The following ERMP1 variants were observed in gnomAD, a reference collection of about 807,000 sequenced individuals.
The protein encoded by ERMP1 is Felix-ina.
ERMP1 carries 86 observed loss-of-function variants against 92.0 expected under a neutral mutation model. The observed-to-expected ratio is 0.93, with a 90% CI of 0.79 to 1.12. ERMP1 has a LOEUF of 1.12. Ranked by LOEUF, ERMP1 falls within the 50% of genes most tolerant of loss-of-function variation. The probability of loss-of-function intolerance (pLI) is 0.00; values close to 1 mark genes in which losing one functional copy is unlikely to be tolerated. For synonymous variants in ERMP1, 530 were observed against 412.8 expected, an observed-to-expected ratio of 1.28 and a Z score of -3.44; for missense variants, 1,342 against 1,116.3, an observed-to-expected ratio of 1.20 and a Z score of -2.88.
At chr9:5,809,266 C>T (rs1347438019) in intron 8 of ERMP1, among the ~76,000 whole-genome samples, 1 of 152,128 alleles carries the variant, frequency 6.6e-6, no homozygotes, top group Non-Finnish European at 1.5e-5. Flanking sequence ...GTGATCCGCC[C>T]ACCTCAGCCT....
intron 13 of ERMP1, among the ~76,000 whole-genome samples, chr9:5,795,387 G>A (rs186711938): frequency 1.3e-5 from 2 of 152,280 alleles, no homozygotes; most frequent in East Asian, 1.9e-4. Flanking sequence ...AGAAGTCCCA[G>A]ATAATGTAAC....
chr9:5,857,985 A>T (rs1830401611), intron 6 of ERMP1, among the ~76,000 whole-genome samples: 1 of 152,178 alleles, frequency 6.6e-6, no homozygotes, highest in South Asian at 2.1e-4. Context: ...ACTCTTTTTC[A>T]GGTGCCCAGG....
rs543463480 is a variant in ERMP1, at chr9:5,786,144, A to C, written c.*1000T>G. 2.6e-5 allele frequency: 4 copies of C among 152,356 alleles called. No individual in the cohort carries two copies. In the South Asian group the frequency reaches 8.3e-4, roughly 32 times the overall value. The allele number at this position is 152,356 out of a possible 1,614,324, so 9.4% of individuals were successfully genotyped here. ...AAACTAATCTATTCAACTGGCTGGA[A>C]AACAAAAAGATAGGCCCAGTGCATC... On this transcript the variant is annotated 3_prime_UTR_variant, in exon 15 of 15. Coordinates refer to ENST00000339450, the MANE Select transcript of ERMP1 (RefSeq NM_024896.3).
chr9:5,852,197 T>C (rs1349636346), intron 6 of ERMP1, among the ~76,000 whole-genome samples: 1 of 152,214 alleles, frequency 6.6e-6, no homozygotes, highest in Non-Finnish European at 1.5e-5. Context: ...CATTAAGTTT[T>C]TCTTAAGTAT....
At chr9:5,791,763 C>T (rs1208368184) in intron 13 of ERMP1, among the ~76,000 whole-genome samples, 1 of 152,186 alleles carries the variant, frequency 6.6e-6, no homozygotes, top group Non-Finnish European at 1.5e-5. Flanking sequence ...CTAAATTTAA[C>T]AATTCAACAC....
At chr9:5,792,312 C>G (rs571376832) in intron 13 of ERMP1, among the ~76,000 whole-genome samples, 2 of 152,208 alleles carry the variant, frequency 1.3e-5, no homozygotes, top group South Asian at 4.1e-4. Flanking sequence ...AAACTGGCAG[C>G]ACCATAAAGA....
At chr9:5,832,031 C>G (rs533065841) in intron 1 of ERMP1, among the ~76,000 whole-genome samples, 2 of 151,892 alleles carry the variant, frequency 1.3e-5, no homozygotes, top group South Asian at 4.2e-4. Flanking sequence ...CTTTGACACA[C>G]CTGGGTTACA....
intron 6 of ERMP1, among the ~76,000 whole-genome samples, chr9:5,857,807 G>A (rs1232371526): frequency 2.6e-5 from 4 of 152,240 alleles, no homozygotes; most frequent in African/African-American, 7.2e-5. Flanking sequence ...TCATTCTTTT[G>A]TTCATCAAGT....
chr9:5,810,272 T>C (rs991540899), intron 7 of ERMP1, 41 bp from the exon 8 acceptor site: 3 of 1,461,598 alleles, frequency 2.1e-6, no homozygotes, highest in Non-Finnish European at 1.9e-6. Flanking sequence ...ACCATCTTCA[T>C]CAAATCAGTT....
chr9:5,837,856 A>C (rs1309367149), upstream of ERMP1, among the ~76,000 whole-genome samples: 1 of 152,194 alleles, frequency 6.6e-6, no homozygotes, highest in African/African-American at 2.4e-5. Flanking sequence ...TAATCCCAGC[A>C]CTTTGGGAGG....
chr9:5,833,136 G>T, upstream of ERMP1: 2 of 1,023,288 alleles, frequency 2.0e-6, no homozygotes, highest in Non-Finnish European at 2.7e-6. Flanking sequence ...GACGGAAACT[G>T]CAGAGGGCCA....
In ERMP1 at chr9:5,786,997, G is replaced by T; in HGVS notation, c.*147C>A. 2 of 750,866 alleles carry T rather than the reference G, an allele frequency of 2.7e-6. No homozygotes were observed. Among genetic ancestry groups the T allele is most frequent in the Non-Finnish European group, 4.2e-6 (2 of 481,274 alleles). The allele number at this position is 750,866 out of a possible 1,614,324, so 46.5% of individuals were successfully genotyped here. ...CACAGCTAAACCCTTATAGTGCTTG[G>T]CCCTGAAAAGCGTTAACCCAGAAAG... On this transcript the variant is annotated 3_prime_UTR_variant, in exon 15 of 15. Transcript: ENST00000339450.
intron 6 of ERMP1, among the ~76,000 whole-genome samples, chr9:5,849,168 A>G (rs1464931256): frequency 6.6e-6 from 1 of 152,134 alleles, no homozygotes; most frequent in African/African-American, 2.4e-5. Context: ...GACTATAGGC[A>G]TGTGCCACCA....
At chr9:5,810,315 C>A (rs1829043466) in intron 7 of ERMP1, 84 bp from the exon 8 acceptor site, 2 of 972,556 alleles carry the variant, frequency 2.1e-6, no homozygotes, top group East Asian at 2.5e-5. Flanking sequence ...AATGGGCAAA[C>A]ATTAAAACAA....
chr9:5,809,966 C>A (rs545685437), intron 8 of ERMP1, 45 bp downstream of exon 8: 1 of 1,326,730 alleles, frequency 7.5e-7, no homozygotes, highest in African/African-American at 1.4e-5. Flanking sequence ...ATCTTCAGTC[C>A]CTGGAGGCAA....
chr9:5,835,256 C>T (rs1003149540), upstream of ERMP1, among the ~76,000 whole-genome samples: 1 of 152,026 alleles, frequency 6.6e-6, no homozygotes, highest in African/African-American at 2.4e-5. Flanking sequence ...TGGATATCTA[C>T]TTGTGTCAGA....
upstream of ERMP1, among the ~76,000 whole-genome samples, chr9:5,833,815 G>A (rs1250765885): frequency 6.6e-6 from 1 of 152,186 alleles, no homozygotes; most frequent in African/African-American, 2.4e-5. Flanking sequence ...TTAGCACTCT[G>A]CAAGTGAAGG....
chr9:5,832,981 C>G lies in ERMP1; in HGVS notation c.47G>C (p.Gly16Ala). 6.4e-7 allele frequency: 1 copy of G among 1,562,176 alleles called. No individual in the cohort carries two copies. The highest frequency in any genetic ancestry group is 8.6e-7 in the Non-Finnish European group (1 of 1,165,112). Residue 16 changes from glycine (G) to alanine (A), a missense_variant, in exon 1 of 15, where the codon GGA becomes GCA. By Grantham distance (60) the Gly-to-Ala change is moderately conservative (BLOSUM62 0). Coordinates refer to ENST00000339450, the MANE Select transcript of ERMP1 (RefSeq NM_024896.3). ...ESAAVRRHRVGVERREGAAAA... is the reference protein window; with the variant it reads ...ESAAVRRHRVAVERREGAAAA... ...CGCCGCTCCCTCTCGACGCTCTACT[C>G]CGACGCGGTGCCGCCTCACAGCAGC...
intron 5 of ERMP1, among the ~76,000 whole-genome samples, chr9:5,866,318 A>C (rs1202970454): frequency 2.6e-5 from 4 of 152,208 alleles, no homozygotes; most frequent in African/African-American, 9.6e-5. Flanking sequence ...AACAGAACCA[A>C]TATTATCCAA....
Sources: allele counts gnomAD v4.1 joint callset (sites outside exome capture counted in the v4.1 genomes callset), GRCh38; gene constraint gnomAD v4.1.1; transcripts MANE v1.5; gene names NCBI Gene and HGNC (gene_info 2026-07-23, HGNC 2026-07-21).